The following CCDC92B variants were observed in gnomAD, a reference collection of about 807,000 sequenced individuals.
CCDC92B encodes coiled-coil domain containing 92B.
In CCDC92B, 2 loss-of-function variants were observed where a neutral mutation model predicts 5.6. The observed-to-expected ratio is 0.36, with a 90% CI of 0.15 to 1.12. CCDC92B has a LOEUF of 1.12. Among genes scored for constraint, CCDC92B ranks in the 50% most tolerant of loss-of-function variants. The probability of loss-of-function intolerance (pLI) is 0.40; values close to 1 mark genes in which losing one functional copy is unlikely to be tolerated. For synonymous variants in CCDC92B, 115 were observed against 122.3 expected (o/e 0.94, Z 0.39); for missense variants, 271 against 262.2 (o/e 1.03, Z -0.23).
intron 3 of CCDC92B, among the ~76,000 whole-genome samples, chr17:2,726,191 T>C (rs1054476916): frequency 6.7e-6 from 1 of 149,474 alleles, no homozygotes; most frequent in Non-Finnish European, 1.5e-5. Flanking sequence ...TATTTTTTTT[T>C]TTTTGAGATG....
Position 2,735,029 on chromosome 17 carries a change from C to G in CCDC92B, c.117G>C (p.Gln39His). 1.0e-6 allele frequency: 1 copy of G among 985,626 alleles called. No homozygotes were observed. Among genetic ancestry groups the G allele is most frequent in the Non-Finnish European group, 1.2e-6 (1 of 830,064 alleles). The allele number at this position is 985,626 out of a possible 1,614,324, so 61.1% of individuals were successfully genotyped here. A position where few individuals can be genotyped will look rare whatever the true frequency, so the allele number is the denominator to read the frequency against. ...TCCTGGCCTCACCTGAGCAGCGTTT[C>G]TGCAGCCTCAGGATCTCCAGGTGCA... Reference protein sequence around the residue: ...RDLHLEILRLQKRCSELTHDL... With the variant: ...RDLHLEILRLHKRCSELTHDL... Residue 39 changes from glutamine (Q) to histidine (H), a missense_variant, in exon 2 of 4, where the codon CAG becomes CAC. Gln to His is a conservative substitution (Grantham distance 24, BLOSUM62 0). Transcript: ENST00000614400.
intron 1 of CCDC92B, among the ~76,000 whole-genome samples, chr17:2,741,229 T>C (rs1431688030): frequency 6.6e-6 from 1 of 152,044 alleles, no homozygotes; most frequent in African/African-American, 2.4e-5. Context: ...GAACGCTTAC[T>C]ATGTCTCAAA....
intron 3 of CCDC92B, among the ~76,000 whole-genome samples, chr17:2,729,804 A>G (rs1283339374): frequency 2.0e-5 from 3 of 152,166 alleles, no homozygotes; most frequent in Non-Finnish European, 4.4e-5. Context: ...CCCCCATGTT[A>G]TGGGTGAAGT....
chr17:2,738,818 C>A (rs932512719), intron 1 of CCDC92B, among the ~76,000 whole-genome samples: 4 of 151,106 alleles, frequency 2.6e-5, no homozygotes, highest in Admixed American at 6.6e-5. Context: ...CGCCTGTAAT[C>A]CCAGCACTTT....
At chr17:2,736,543 T>C (rs2070859877) in intron 1 of CCDC92B, among the ~76,000 whole-genome samples, 1 of 151,844 alleles carries the variant, frequency 6.6e-6, no homozygotes, top group South Asian at 2.1e-4. Flanking sequence ...GTCCAGGAGT[T>C]TGAGACCAGC....
chr17:2,744,755 G>A (rs1597246979), intron 1 of CCDC92B, among the ~76,000 whole-genome samples: 2 of 152,118 alleles, frequency 1.3e-5, no homozygotes, highest in South Asian at 4.1e-4. Context: ...TAGATGTCAA[G>A]TAGGCAGGTC....
chr17:2,744,359 A>G (rs961239674), intron 1 of CCDC92B, among the ~76,000 whole-genome samples: 1 of 149,410 alleles, frequency 6.7e-6, no homozygotes, highest in African/African-American at 2.5e-5. Context: ...TTTTATTTTT[A>G]TTTTTGTTTT....
intron 3 of CCDC92B, among the ~76,000 whole-genome samples, chr17:2,725,265 C>G (rs1240215084): frequency 7.2e-5 from 11 of 151,826 alleles, no homozygotes; most frequent in African/African-American, 2.7e-4. Flanking sequence ...CGCCTGTAAT[C>G]CCAGCTACTC....
chr17:2,724,279 C>G lies in CCDC92B; in HGVS notation c.*132G>C. 7 of 985,316 alleles carry G rather than the reference C, an allele frequency of 7.1e-6. No homozygotes were observed. The highest frequency in any genetic ancestry group is 8.4e-6 in the Non-Finnish European group (7 of 829,880). The allele number at this position is 985,316 out of a possible 1,614,324, so 61.0% of individuals were successfully genotyped here. A position where few individuals can be genotyped will look rare whatever the true frequency, so the allele number is the denominator to read the frequency against. ...TGGCGGTTCGGGGATTTGGGGGGAGCCGGGGCCGCCTCGCCCCGCTTCCTG... is the reference window on the plus strand; with the variant it reads ...TGGCGGTTCGGGGATTTGGGGGGAGGCGGGGCCGCCTCGCCCCGCTTCCTG... On this transcript the variant is annotated 3_prime_UTR_variant, in exon 4 of 4. Transcript: ENST00000614400. This position sits in a 1 kb window ranked among gnomAD's most constrained non-coding sequence, Gnocchi z 5.0.
chr17:2,749,219 G>T (rs1038060005), intron 1 of CCDC92B, among the ~76,000 whole-genome samples, 192 bp downstream of exon 1: 3 of 152,106 alleles, frequency 2.0e-5, no homozygotes, highest in African/African-American at 7.2e-5. Context: ...GCAGTGCCAG[G>T]CAGGGCCCGG....
intron 3 of CCDC92B, among the ~76,000 whole-genome samples, chr17:2,728,423 C>A (rs1312780118): frequency 2.0e-5 from 3 of 151,634 alleles, no homozygotes; most frequent in Non-Finnish European, 4.4e-5. Flanking sequence ...CTGGCTAACA[C>A]GGTGAAACCC....
intron 1 of CCDC92B, among the ~76,000 whole-genome samples, chr17:2,738,975 C>T (rs1355947481): frequency 6.8e-6 from 1 of 147,270 alleles, no homozygotes; most frequent in Non-Finnish European, 1.5e-5. Flanking sequence ...GGAGGTTGAC[C>T]CAGGAGAATC....
chr17:2,735,655 T>C (rs1401161763), intron 1 of CCDC92B, among the ~76,000 whole-genome samples: 1 of 152,164 alleles, frequency 6.6e-6, no homozygotes, highest in African/African-American at 2.4e-5. Flanking sequence ...GGTCTTGAAC[T>C]CCTAACCTCA....
At chr17:2,739,485 C>T (rs2070901007) in intron 1 of CCDC92B, among the ~76,000 whole-genome samples, 1 of 151,102 alleles carries the variant, frequency 6.6e-6, no homozygotes, top group East Asian at 2.0e-4. Context: ...TCAAGACCAT[C>T]CTGGCTAACA....
At chr17:2,736,886 AT>A (rs1327648665) in intron 1 of CCDC92B, among the ~76,000 whole-genome samples, 104 of 51,940 alleles carry the variant, frequency 2.0e-3, no homozygotes, top group African/African-American at 4.9e-3. Flanking sequence ...GTCTCAAAAA[AT>A]AAATAAATAA....
At chr17:2,748,581 G>A in intron 1 of CCDC92B, 8 of 984,686 alleles carry the variant, frequency 8.1e-6, no homozygotes, top group South Asian at 9.4e-5. Flanking sequence ...TAAGCCATAC[G>A]CTTCCTGAGG....
intron 1 of CCDC92B, among the ~76,000 whole-genome samples, chr17:2,742,341 A>G (rs1182590837): frequency 6.6e-6 from 1 of 152,162 alleles, no homozygotes; most frequent in Non-Finnish European, 1.5e-5. Context: ...ATCTAGAGCC[A>G]ACAGAGTGGA....
rs537401210 is a variant in CCDC92B at position 2,725,714 on chromosome 17, C to T, written c.179-714G>A. Among the ~76,000 whole-genome samples, 6 of 151,904 alleles carry T rather than the reference C, an allele frequency of 3.9e-5. No individual in the cohort carries two copies. The East Asian group carries it at 1.2e-3, about 30-fold the overall frequency. ...GAGACATAGTAAATAATCACAAATA[C>T]GTGTGAGGTTGCAAATGTGACATGT... On this transcript the variant is annotated intron_variant, in intron 3 of 3. Coordinates refer to ENST00000614400, the MANE Select transcript of CCDC92B (RefSeq NM_001355573.2).
At chr17:2,730,399 A>G in intron 3 of CCDC92B, 47 bp downstream of exon 3, 1 of 971,904 alleles carries the variant, frequency 1.0e-6, no homozygotes, top group Non-Finnish European at 1.2e-6. Context: ...GAAAAACTCC[A>G]GCTGTTGGGC....
Sources: allele counts gnomAD v4.1 joint callset (sites outside exome capture counted in the v4.1 genomes callset), GRCh38; gene constraint gnomAD v4.1.1; non-coding constraint Gnocchi (gnomAD v3.1); transcripts MANE v1.5; gene names NCBI Gene and HGNC (gene_info 2026-07-23, HGNC 2026-07-21).